The following CHIA variants were observed in gnomAD, a reference collection of about 807,000 sequenced individuals.
CHIA encodes chitinase acidic.
A neutral mutation model predicts 53.5 loss-of-function variants in CHIA; 47 were observed. The ratio of observed to expected loss-of-function variants is 0.88; its 90% confidence interval spans 0.70 to 1.12. The LOEUF (loss-of-function observed/expected upper bound fraction) is 1.12, where lower values mean the gene tolerates loss of function less well. CHIA is among the 50% of genes most tolerant of loss of function. The pLI is 0.00. For synonymous variants in CHIA, 268 were observed against 222.2 expected (o/e 1.21, Z -1.83); for missense variants, 652 against 592.2 (o/e 1.10, Z -1.05).
chr1:111,320,069 C>G (rs1571308706), intron 11 of CHIA, 144 bp from the exon 12 acceptor site: 1 of 667,662 alleles, frequency 1.5e-6, no homozygotes, highest in East Asian at 2.5e-5. Flanking sequence ...GAATATGGAG[C>G]TACTTTCTCT....
At chr1:111,303,076 T>C (rs1647890375) in intron 1 of CHIA, among the ~76,000 whole-genome samples, 1 of 152,122 alleles carries the variant, frequency 6.6e-6, no homozygotes, top group Admixed American at 6.5e-5. Flanking sequence ...CAACTCCTGC[T>C]CTCGTTTGGT....
rs143732960 is a variant in CHIA at position 111,318,595 on chromosome 1, A to G, written c.832A>G (p.Asn278Asp). Residue 278 changes from asparagine to aspartate, a missense_variant, in exon 9 of 12, where the codon AAC becomes GAC. By Grantham distance (23) the Asn-to-Asp change is conservative. Coordinates refer to ENST00000369740, the MANE Select transcript of CHIA (RefSeq NM_201653.4). The part of the protein sequence containing the change: ...GHNFILSNPS[N>D]TGIGAPTSGA... ...CAACTTCATCCTGAGCAACCCCTCC[A>G]ACACTGGAATTGGTGCCCCCACCTC... 233 of 1,614,182 alleles carry G rather than the reference A, an allele frequency of 1.4e-4. 1 individual carries two copies. The African/African-American group carries it at 2.9e-3, about 20-fold the overall frequency.
chr1:111,292,442 C>T (rs1266446096), intron 1 of CHIA, among the ~76,000 whole-genome samples: 1 of 152,178 alleles, frequency 6.6e-6, no homozygotes, highest in Non-Finnish European at 1.5e-5. Context: ...AGAATGCTCT[C>T]TGCAATTGAC....
intron 1 of CHIA, among the ~76,000 whole-genome samples, chr1:111,303,606 A>G (rs184095610): frequency 3.0e-4 from 46 of 152,244 alleles, no homozygotes; most frequent in Non-Finnish European, 5.3e-4. Flanking sequence ...TTTAACTGCA[A>G]TAACTTAAAA....
At chr1:111,300,752 G>A (rs2101614844) in intron 1 of CHIA, among the ~76,000 whole-genome samples, 1 of 152,264 alleles carries the variant, frequency 6.6e-6, no homozygotes, top group East Asian at 1.9e-4. Flanking sequence ...AAACTAAAGA[G>A]CTTCTGCACG....
In CHIA at chr1:111,318,129, C is replaced by T. The variant is rs568701934; in HGVS notation, c.729+20C>T. ...AATGTGGTGAGTCCCTGTACAGATG[C>T]AAGAGCAGACCAGAGATGATGATGA... On this transcript the variant is annotated intron_variant, in intron 8 of 11. Transcript: ENST00000369740. 2.9e-5 allele frequency: 46 copies of T among 1,575,304 alleles called. 1 individual carries two copies. In the Admixed American group the frequency reaches 7.8e-4, roughly 27 times the overall value.
chr1:111,312,099 C>G, intron 3 of CHIA, 91 bp from the exon 4 acceptor site: 1 of 961,720 alleles, frequency 1.0e-6, no homozygotes, highest in Non-Finnish European at 1.7e-6. Flanking sequence ...ATCTGAGGCA[C>G]AGGGAGGGAA....
intron 1 of CHIA, among the ~76,000 whole-genome samples, chr1:111,291,217 G>A (rs546458259): frequency 6.6e-6 from 1 of 152,140 alleles, no homozygotes; most frequent in Admixed American, 6.5e-5. Flanking sequence ...CACACGTATG[G>A]TTATTGCAGC....
chr1:111,318,192 G>A (rs915364129), intron 8 of CHIA, 83 bp downstream of exon 8: 20 of 1,319,194 alleles, frequency 1.5e-5, no homozygotes, highest in Non-Finnish European at 2.1e-5. Flanking sequence ...GGCATCATAA[G>A]TTTAGTGGTT....
rs1360782254 is a variant in CHIA, at chr1:111,317,732, C to T, written c.532C>T (p.Leu178=). 1.2e-6 allele frequency: 2 copies of T among 1,613,984 alleles called. No homozygotes were observed. Among genetic ancestry groups the T allele is most frequent in the South Asian group, 1.1e-5 (1 of 91,070 alleles). Residue 178 remains leucine, a synonymous_variant, in exon 7 of 12, where the codon CTG becomes TTG. Coordinates refer to ENST00000369740, the MANE Select transcript of CHIA (RefSeq NM_201653.4). ...QEAKQINKPR[L]MVTAAVAAGI... is the part of the protein sequence containing the mutation. ...GGCCAAGCAGATCAACAAGCCCAGGCTGATGGTCACTGCTGCAGTAGCTGC... is the reference window on the plus strand; with the variant it reads ...GGCCAAGCAGATCAACAAGCCCAGGTTGATGGTCACTGCTGCAGTAGCTGC...
chr1:111,314,678 C>A, intron 5 of CHIA, 82 bp downstream of exon 5: 2 of 960,686 alleles, frequency 2.1e-6, no homozygotes, highest in Non-Finnish European at 1.7e-6. Context: ...CTTTAGACTT[C>A]ACAATCTAAG....
intron 1 of CHIA, among the ~76,000 whole-genome samples, chr1:111,306,294 G>A (rs1463267069): frequency 6.6e-6 from 1 of 152,156 alleles, no homozygotes; most frequent in Non-Finnish European, 1.5e-5. Flanking sequence ...GAGTTGGAGG[G>A]TGGGATACCA....
At chr1:111,316,748 C>T (rs994594368) in intron 6 of CHIA, 6 of 152,160 alleles carry the variant, frequency 3.9e-5, no homozygotes, top group East Asian at 1.9e-4. Flanking sequence ...GACTTACTGT[C>T]TCCCAAGACA....
chr1:111,306,836 TG>T (rs1325529548), intron 1 of CHIA, among the ~76,000 whole-genome samples: 1 of 152,112 alleles, frequency 6.6e-6, no homozygotes, highest in Non-Finnish European at 1.5e-5. Flanking sequence ...AGCCAATAAA[TG>T]TCAAAAATGC....
chr1:111,305,607 C>T (rs1007328303), intron 1 of CHIA, among the ~76,000 whole-genome samples: 4 of 152,184 alleles, frequency 2.6e-5, no homozygotes, highest in Admixed American at 6.5e-5. Context: ...AATTTACCTA[C>T]GAAGCTTTCT....
At position 111,314,588 on chromosome 1, in the gene CHIA, G is replaced by C; in HGVS notation, c.306G>C (p.Gly102=). ...TLLAIGGWNF[G]TAPFTAMVST... is the part of the protein sequence containing the mutation. The stretch of plus-strand genomic sequence containing the variant: ...TGGCCATTGGAGGCTGGAACTTCGG[G>C]ACTGCCCCGTAAGTCTTCTATGGAG... Residue 102 remains glycine, a synonymous_variant, in exon 5 of 12, where the codon GGG becomes GGC. Transcript: ENST00000369740. 4 of 1,612,864 alleles carry C rather than the reference G, an allele frequency of 2.5e-6. No homozygotes were observed. The highest frequency in any genetic ancestry group is 3.4e-6 in the Non-Finnish European group (4 of 1,178,842).
At chr1:111,292,846 T>C (rs535655292) in intron 1 of CHIA, among the ~76,000 whole-genome samples, 1 of 152,330 alleles carries the variant, frequency 6.6e-6, no homozygotes, top group African/African-American at 2.4e-5. Flanking sequence ...ATATATTATC[T>C]GTCTTTTTGG....
At chr1:111,317,925 T>G (rs1331823931) in intron 7 of CHIA, 61 bp from the exon 8 acceptor site, 2 of 1,612,402 alleles carry the variant, frequency 1.2e-6, no homozygotes, top group Admixed American at 3.3e-5. Context: ...TGGTGTCCTG[T>G]GCCTGCATAG....
rs781282626 is a variant in CHIA, at chr1:111,317,688, G to T, written c.488G>T (p.Arg163Leu). 2 of 1,614,138 alleles carry T rather than the reference G, an allele frequency of 1.2e-6. No individual in the cohort carries two copies. The highest frequency in any genetic ancestry group is 1.7e-6 in the Non-Finnish European group (2 of 1,180,010). Residue 163 changes from arginine to leucine, a missense_variant, in exon 7 of 12, where the codon CGT becomes CTT. Transcript: ENST00000369740. The part of the protein sequence containing the change: ...HLFTVLVQEM[R>L]EAFEQEAKQI... ...TGCCTTATTATTCTGTAGGAAATGCGTGAAGCTTTTGAGCAGGAGGCCAAG... is the reference window on the plus strand; with the variant it reads ...TGCCTTATTATTCTGTAGGAAATGCTTGAAGCTTTTGAGCAGGAGGCCAAG...
Sources: allele counts gnomAD v4.1 joint callset (sites outside exome capture counted in the v4.1 genomes callset), GRCh38; gene constraint gnomAD v4.1.1; transcripts MANE v1.5; gene names NCBI Gene and HGNC (gene_info 2026-07-23, HGNC 2026-07-21).